PPP1R12B: variants seen among roughly 807,000 people sequenced by gnomAD.
PPP1R12B encodes the protein protein phosphatase 1 regulatory subunit 12B, also known as myosin phosphatase target subunit 2.
A neutral mutation model predicts 126.1 loss-of-function variants in PPP1R12B; 76 were observed. The ratio of observed to expected loss-of-function variants is 0.60; its 90% CI spans 0.50 to 0.73. The LOEUF (loss-of-function observed/expected upper bound fraction) is 0.73. Among genes scored for constraint, PPP1R12B ranks in the 30% least tolerant of loss-of-function variants. The pLI is 0.00. For missense variants in PPP1R12B, 1,052 were observed against 1,205.1 expected, an observed-to-expected ratio of 0.87 and a Z score of 1.88; for synonymous variants, 356 against 434.7, an observed-to-expected ratio of 0.82 and a Z score of 2.25.
At chr1:202,441,084 G>A (rs1194693401) in intron 11 of PPP1R12B, among the ~76,000 whole-genome samples, 1 of 152,162 alleles carries the variant, frequency 6.6e-6, no homozygotes, top group Non-Finnish European at 1.5e-5. Context: ...TAGGGTCTGA[G>A]TCTGTCTGGT....
Position 202,589,700 on chromosome 1 carries a change from G to A in PPP1R12B, c.*9140G>A, listed in dbSNP as rs1690032238. Reference sequence around the variant, plus strand: ...ATATTCTTAGCCAGGAGACCCTCAGGTGATAAATCCCAGTCCGTCTGCTGA... The same window carrying A: ...ATATTCTTAGCCAGGAGACCCTCAGATGATAAATCCCAGTCCGTCTGCTGA... On this transcript the variant is annotated 3_prime_UTR_variant, in exon 24 of 24. Coordinates refer to ENST00000608999, the MANE Select transcript of PPP1R12B (RefSeq NM_002481.4). The A allele has an allele frequency of 6.6e-6, 1 of 152,212 alleles. No individual in the cohort carries two copies. Among genetic ancestry groups the A allele is most frequent in the Non-Finnish European group, 1.5e-5 (1 of 68,082 alleles). The allele number at this position is 152,212 out of a possible 1,614,324, so 9.4% of individuals were successfully genotyped here.
chr1:202,440,117 T>C (rs1671417293), intron 10 of PPP1R12B, among the ~76,000 whole-genome samples: 1 of 152,162 alleles, frequency 6.6e-6, no homozygotes, highest in Non-Finnish European at 1.5e-5. Context: ...CATTCAAGAT[T>C]AGTAAATTTT....
In PPP1R12B at chr1:202,469,972, A is replaced by G. The variant is rs1675609318; in HGVS notation, c.1851-18561A>G. On this transcript the variant is annotated intron_variant, in intron 13 of 23. Transcript: ENST00000608999. ...CTTATCTGATTGTTAAAGATGGGTT[A>G]GATTTCAATAAAGGTTAAGAACCGC... Among the ~76,000 whole-genome samples, 3 of 152,212 alleles carry G rather than the reference A, an allele frequency of 2.0e-5. No homozygotes were observed. The South Asian group carries it at 6.2e-4, about 32-fold the overall frequency.
At chr1:202,577,663 C>T (rs1406030888) in intron 23 of PPP1R12B, among the ~76,000 whole-genome samples, 1 of 152,080 alleles carries the variant, frequency 6.6e-6, no homozygotes, top group Admixed American at 6.5e-5. Flanking sequence ...GGACTCCCTT[C>T]CCACTTTCCT....
intron 18 of PPP1R12B, among the ~76,000 whole-genome samples, chr1:202,543,223 T>C (rs1685297674): frequency 6.6e-6 from 1 of 152,086 alleles, no homozygotes; most frequent in Non-Finnish European, 1.5e-5. Flanking sequence ...GGATGATTTT[T>C]CAGTGACTAG....
chr1:202,539,474 G>C (rs977248859), intron 18 of PPP1R12B, among the ~76,000 whole-genome samples: 1 of 152,194 alleles, frequency 6.6e-6, no homozygotes, highest in Non-Finnish European at 1.5e-5. Context: ...TGTAAAAGCA[G>C]CTTCGTCTGG....
chr1:202,529,305 GA>G (rs1216109447), intron 18 of PPP1R12B, among the ~76,000 whole-genome samples: 4,051 of 117,054 alleles, frequency 0.035, 125 homozygotes, highest in African/African-American at 0.099. Flanking sequence ...TGTTATTATT[GA>G]AAAAAAAAAA....
chr1:202,535,905 A>G (rs1684481042), intron 18 of PPP1R12B, among the ~76,000 whole-genome samples: 1 of 152,232 alleles, frequency 6.6e-6, no homozygotes, highest in African/African-American at 2.4e-5. Context: ...GCTCACATTC[A>G]ACTTTCTGGA....
chr1:202,578,476 C>T (rs916796434), intron 23 of PPP1R12B, among the ~76,000 whole-genome samples: 3 of 152,186 alleles, frequency 2.0e-5, no homozygotes, highest in African/African-American at 7.2e-5. Context: ...AGCATTCAGT[C>T]TGGTAGGCAA....
At chr1:202,561,966 T>C (rs1687579875) in intron 19 of PPP1R12B, among the ~76,000 whole-genome samples, 1 of 152,216 alleles carries the variant, frequency 6.6e-6, no homozygotes, top group Admixed American at 6.5e-5. Context: ...TGTAGCACTC[T>C]GCAGGGCTGA....
intron 4 of PPP1R12B, among the ~76,000 whole-genome samples, chr1:202,426,013 C>A (rs181352497): frequency 1.3e-5 from 2 of 152,314 alleles, no homozygotes; most frequent in African/African-American, 4.8e-5. Flanking sequence ...TCATTAATAT[C>A]CCTGCAACGA....
chr1:202,352,847 C>T (rs973042770), intron 1 of PPP1R12B, among the ~76,000 whole-genome samples: 1 of 151,514 alleles, frequency 6.6e-6, no homozygotes, highest in Non-Finnish European at 1.5e-5. Context: ...GAGATCACAC[C>T]ACTGCACTCC....
chr1:202,562,987 A>G, intron 20 of PPP1R12B, 65 bp downstream of exon 20: 6 of 1,454,526 alleles, frequency 4.1e-6, no homozygotes, highest in Non-Finnish European at 5.5e-6. Flanking sequence ...TTCCTCCACC[A>G]CACCCAGAAA....
chr1:202,556,955 G>A (rs760444409), intron 18 of PPP1R12B, among the ~76,000 whole-genome samples: 1 of 152,178 alleles, frequency 6.6e-6, no homozygotes, highest in Non-Finnish European at 1.5e-5. Flanking sequence ...ATAGCCCATA[G>A]CCCAGGATCT....
chr1:202,493,076 T>A (rs780226901), intron 14 of PPP1R12B, 38 bp from the exon 15 acceptor site: 1 of 1,576,612 alleles, frequency 6.3e-7, no homozygotes, highest in Non-Finnish European at 8.7e-7. Flanking sequence ...ATTCCATGGT[T>A]AGTGTGAAAC....
At chr1:202,560,961 A>G (rs1222879155) in intron 19 of PPP1R12B, among the ~76,000 whole-genome samples, 2 of 152,096 alleles carry the variant, frequency 1.3e-5, no homozygotes, top group Non-Finnish European at 1.5e-5. Flanking sequence ...ATGTATACAT[A>G]TGTAACTAAC....
At chr1:202,353,134 C>T (rs980218985) in intron 1 of PPP1R12B, among the ~76,000 whole-genome samples, 37 of 152,152 alleles carry the variant, frequency 2.4e-4, no homozygotes, top group South Asian at 4.1e-4. Context: ...CAGACAGAGA[C>T]AGAAGATGAG....
At chr1:202,495,098 G>GTTTTTTTTTTTTT (rs768986892) in intron 15 of PPP1R12B, among the ~76,000 whole-genome samples, 195 bp from the exon 16 acceptor site, 1 of 126,096 alleles carries the variant, frequency 7.9e-6, no homozygotes, top group Non-Finnish European at 1.7e-5. Context: ...TAGCAGCTGT[G>GTTTTTTTTTTTTT]TTTTTTTTTT....
chr1:202,569,654 GA>G (rs1417571228), intron 23 of PPP1R12B, among the ~76,000 whole-genome samples: 1 of 151,798 alleles, frequency 6.6e-6, no homozygotes, highest in Non-Finnish European at 1.5e-5. Flanking sequence ...AACACAGATT[GA>G]ATCATTCTGC....
Sources: allele counts gnomAD v4.1 joint callset (sites outside exome capture counted in the v4.1 genomes callset), GRCh38; gene constraint gnomAD v4.1.1; transcripts MANE v1.5; gene names NCBI Gene and HGNC (gene_info 2026-07-23, HGNC 2026-07-21).